MAP3K14: variants seen among roughly 807,000 people sequenced by gnomAD.
The protein encoded by MAP3K14 is NF-kappa-beta-inducing kinase.
A neutral mutation model predicts 99.2 loss-of-function variants in MAP3K14; 16 were observed. The observed-to-expected ratio is 0.16, with a 90% CI of 0.11 to 0.24. MAP3K14 has a LOEUF of 0.24. Among genes scored for constraint, MAP3K14 ranks in the 10% least tolerant of loss-of-function variants. The probability of loss-of-function intolerance (pLI) is 1.00; values close to 1 mark genes in which losing one functional copy is unlikely to be tolerated. For synonymous variants in MAP3K14, 462 were observed against 492.4 expected (o/e 0.94, Z 0.82); for missense variants, 784 against 1,208.7 (o/e 0.65, Z 5.21).
At chr17:45,304,241 C>T (rs904291110) in intron 1 of MAP3K14, among the ~76,000 whole-genome samples, 4 of 151,668 alleles carry the variant, frequency 2.6e-5, no homozygotes, top group Admixed American at 6.6e-5. Flanking sequence ...TGACCTCAAA[C>T]AATCCACCCG....
At chr17:45,269,668 A>G (rs558768507) in intron 11 of MAP3K14, among the ~76,000 whole-genome samples, 32 of 152,314 alleles carry the variant, frequency 2.1e-4, no homozygotes, top group African/African-American at 7.2e-4. Flanking sequence ...AAGCCTACAC[A>G]AAAACCCAAG....
chr17:45,267,450 C>G lies in MAP3K14; in HGVS notation c.2282G>C (p.Arg761Pro). 6.2e-7 allele frequency: 1 copy of G among 1,608,994 alleles called. No individual in the cohort carries two copies. Among genetic ancestry groups the G allele is most frequent in the Non-Finnish European group, 8.5e-7 (1 of 1,177,650 alleles). Reference protein sequence around the residue: ...APARNPSSPERKATVPEQELQ... With the variant: ...APARNPSSPEPKATVPEQELQ... ...TTCCTGCTCCGGGACGGTTGCTTTCCGCTCTGGTGAGCTGGGGTTTCTGGC... is the reference window on the plus strand; with the variant it reads ...TTCCTGCTCCGGGACGGTTGCTTTCGGCTCTGGTGAGCTGGGGTTTCTGGC... Residue 761 changes from arginine to proline, a missense_variant, in exon 12 of 16, where the codon CGG (arginine) becomes CCG (proline). Physicochemically the swap from Arg to Pro is moderately radical, Grantham distance 103 (BLOSUM62 -2). Transcript: ENST00000344686. The surrounding 1 kb of genome is among the most constrained non-coding windows in gnomAD (Gnocchi z 5.1).
intron 9 of MAP3K14, among the ~76,000 whole-genome samples, chr17:45,271,650 T>G (rs1260766808): frequency 6.6e-6 from 1 of 152,216 alleles, no homozygotes; most frequent in Non-Finnish European, 1.5e-5. Flanking sequence ...CCGGACATGT[T>G]AAAATACTTT....
chr17:45,299,818 G>C (rs2044372576), intron 1 of MAP3K14, among the ~76,000 whole-genome samples: 1 of 152,146 alleles, frequency 6.6e-6, no homozygotes, highest in African/African-American at 2.4e-5. Context: ...GGCCAGGCAT[G>C]GTGGCTCACG....
At chr17:45,266,453 G>T in intron 14 of MAP3K14, 84 bp downstream of exon 14, 2 of 1,497,786 alleles carry the variant, frequency 1.3e-6, no homozygotes, top group Admixed American at 2.1e-5. Context: ...CAGAGGAGGG[G>T]AGACAAAATC....
intron 6 of MAP3K14, among the ~76,000 whole-genome samples, chr17:45,275,525 AAAAC>A (rs1300310538): frequency 6.6e-6 from 1 of 151,830 alleles, no homozygotes; most frequent in Non-Finnish European, 1.5e-5. Context: ...AACAAACAAA[AAAAC>A]AAAAAACCCC....
intron 1 of MAP3K14, among the ~76,000 whole-genome samples, chr17:45,309,957 G>A (rs1007826643): frequency 6.6e-6 from 1 of 151,516 alleles, no homozygotes; most frequent in Non-Finnish European, 1.5e-5. Flanking sequence ...GCATCTGCCA[G>A]TGGAGACTGT....
chr17:45,279,233 G>A (rs537743664), intron 6 of MAP3K14, among the ~76,000 whole-genome samples: 6 of 152,130 alleles, frequency 3.9e-5, no homozygotes, highest in Non-Finnish European at 7.3e-5. Context: ...GGGTTCAAGC[G>A]ATTCTCCTGC....
chr17:45,302,169 TAA>T (rs200520281), intron 1 of MAP3K14, among the ~76,000 whole-genome samples: 1 of 67,900 alleles, frequency 1.5e-5, no homozygotes. Flanking sequence ...TCTAAGTGGT[TAA>T]AAAAAAAAAT....
chr17:45,316,657 G>C (rs374411538), intron 1 of MAP3K14, among the ~76,000 whole-genome samples: 14 of 152,252 alleles, frequency 9.2e-5, no homozygotes, highest in African/African-American at 3.4e-4. Flanking sequence ...GGCGGCGCGG[G>C]GCACTAGTGA....
Position 45,290,557 on chromosome 17 carries a change from G to T in MAP3K14, c.189C>A (p.Thr63=). ...CGGAGCCTTCCTTGGCTGTGCCCTT[G>T]GTAATCACGTCATTCAGGATCTCCC... ...GKWEILNDVI[T]KGTAKEGSEA... is the part of the protein sequence containing the mutation. Residue 63 remains threonine, a synonymous_variant, in exon 2 of 16, where the codon ACC becomes ACA. Coordinates refer to ENST00000344686, the MANE Select transcript of MAP3K14 (RefSeq NM_003954.5). 1.2e-6 allele frequency: 2 copies of T among 1,613,834 alleles called. No individual in the cohort carries two copies. Among genetic ancestry groups the T allele is most frequent in the Non-Finnish European group, 1.7e-6 (2 of 1,179,878 alleles).
intron 1 of MAP3K14, among the ~76,000 whole-genome samples, chr17:45,294,585 C>G (rs2044334369): frequency 6.6e-6 from 1 of 152,248 alleles, no homozygotes. Context: ...GATTCTGGCT[C>G]TATTCTTCCA....
At position 45,286,646 on chromosome 17, in the gene MAP3K14, G is replaced by A; in HGVS notation, c.937C>T (p.Leu313=). ...KLACVDSPKP[L]PGPHLEPSCL... is the part of the protein sequence containing the mutation. ...CTGGGCTCCAGGTGTGGGCCAGGCA[G>A]GGGCTTTGGACTGTCTACACAGGCC... Residue 313 remains leucine, a synonymous_variant, in exon 5 of 16, where the codon CTG becomes TTG. Transcript: ENST00000344686. The surrounding 1 kb of genome is among the most constrained non-coding windows in gnomAD (Gnocchi z 4.1). 2.5e-6 allele frequency: 4 copies of A among 1,610,512 alleles called. No homozygotes were observed. Among genetic ancestry groups the A allele is most frequent in the Non-Finnish European group, 3.4e-6 (4 of 1,178,566 alleles).
chr17:45,273,310 C>T (rs745490992), intron 9 of MAP3K14, among the ~76,000 whole-genome samples, 193 bp downstream of exon 9: 11 of 152,152 alleles, frequency 7.2e-5, no homozygotes, highest in Non-Finnish European at 1.3e-4. Flanking sequence ...GGAGCATCGA[C>T]AATGAGCACC....
At chr17:45,274,015 G>T in intron 8 of MAP3K14, 108 bp downstream of exon 8, 1 of 1,318,598 alleles carries the variant, frequency 7.6e-7, no homozygotes, top group Non-Finnish European at 1.0e-6. Context: ...CTGACTCAGG[G>T]CCTGCTACTG....
At chr17:45,265,515 G>A (rs2044071336) in intron 14 of MAP3K14, among the ~76,000 whole-genome samples, 1 of 152,216 alleles carries the variant, frequency 6.6e-6, no homozygotes, top group Non-Finnish European at 1.5e-5. Flanking sequence ...TCAGTTCACT[G>A]CAACCTTTAC....
At chr17:45,316,414 G>A (rs1485080240) in intron 1 of MAP3K14, among the ~76,000 whole-genome samples, 1 of 152,252 alleles carries the variant, frequency 6.6e-6, no homozygotes, top group Non-Finnish European at 1.5e-5. Flanking sequence ...TGGGGTCCGA[G>A]GGCGGAGGGA....
chr17:45,266,830 C>CCTT (rs2044089794), intron 13 of MAP3K14, 149 bp from the exon 14 acceptor site: 1 of 847,572 alleles, frequency 1.2e-6, no homozygotes, highest in Admixed American at 2.9e-5. Context: ...AGGCCTGCCT[C>CCTT]CCCATTATCT....
rs138869227 is a variant in MAP3K14, at chr17:45,314,682, G to A, written c.-21+2278C>T. 3.4e-4 allele frequency among the ~76,000 whole-genome samples: 52 copies of A among 151,400 alleles called. No homozygotes were observed. In the Middle Eastern group the frequency reaches 0.01, roughly 31 times the overall value. The stretch of plus-strand genomic sequence containing the variant: ...TAGTAGAAGTACGCTGCCTTTATGC[G>A]TATTGGGCTGACTTAGACTTTTTAC... On this transcript the variant is annotated intron_variant, in intron 1 of 15. Coordinates refer to ENST00000344686, the MANE Select transcript of MAP3K14 (RefSeq NM_003954.5).
Sources: allele counts gnomAD v4.1 joint callset (sites outside exome capture counted in the v4.1 genomes callset), GRCh38; gene constraint gnomAD v4.1.1; non-coding constraint Gnocchi (gnomAD v3.1); transcripts MANE v1.5; gene names NCBI Gene and HGNC (gene_info 2026-07-23, HGNC 2026-07-21).